Variants in ALG6 observed in about 807,000 individuals in gnomAD.
ALG6 encodes dolichyl pyrophosphate Man9GlcNAc2 alpha-1,3-glucosyltransferase.
Under a neutral mutation model 66.6 loss-of-function variants are expected in ALG6, and 46 were observed. That is an observed-to-expected ratio of 0.69 (90% confidence interval 0.55 to 0.88). ALG6 has a LOEUF of 0.88. Among genes scored for constraint, ALG6 ranks in the 40% least tolerant of loss-of-function variants. The pLI is 0.00. For missense variants in ALG6, 505 were observed against 586.8 expected, an observed-to-expected ratio of 0.86 and a Z score of 1.44; for synonymous variants, 185 against 203.7, an observed-to-expected ratio of 0.91 and a Z score of 0.78.
At chr1:63,398,535 C>G (rs914984366) in intron 3 of ALG6, among the ~76,000 whole-genome samples, 1 of 152,132 alleles carries the variant, frequency 6.6e-6, no homozygotes, top group Non-Finnish European at 1.5e-5. Flanking sequence ...TGCAGTGGCT[C>G]GATCTCGGCT....
intron 2 of ALG6, among the ~76,000 whole-genome samples, chr1:63,390,985 T>TA (rs1648656292): frequency 6.6e-6 from 1 of 152,220 alleles, no homozygotes. Flanking sequence ...TTTTGATTCT[T>TA]ATGAAGGTAC....
chr1:63,403,315 G>A (rs10489496), intron 4 of ALG6, among the ~76,000 whole-genome samples: 7,302 of 152,128 alleles, frequency 0.048, 571 homozygotes, highest in African/African-American at 0.17. Context: ...TATAGATCCA[G>A]ATGGTTACCA....
chr1:63,399,959 G>T (rs1011234123), intron 3 of ALG6, among the ~76,000 whole-genome samples: 4 of 151,486 alleles, frequency 2.6e-5, no homozygotes, highest in African/African-American at 9.7e-5. Context: ...CACTTTGGGA[G>T]ACCAAGGCGG....
rs1167647505 is a variant in ALG6 at position 63,434,542 on chromosome 1, G to A, written c.1327-2281G>A. On this transcript the variant is annotated intron_variant, in intron 14 of 14. Coordinates refer to ENST00000263440, the MANE Select transcript of ALG6 (RefSeq NM_013339.4). ...AGTTTAGCGCAAGCTTGTCCAATCT[G>A]CAACTGAAGCTGGCTTTGAATGCAG... Among the ~76,000 whole-genome samples the A allele has an allele frequency of 3.9e-5, 6 of 152,342 alleles. No homozygotes were observed. The South Asian group carries it at 1.2e-3, about 32-fold the overall frequency.
In ALG6 at chr1:63,437,030, T is replaced by TAAAC; in HGVS notation, c.*14_*17dup. 1 of 1,609,380 alleles carries TAAAC rather than the reference T, an allele frequency of 6.2e-7. No individual in the cohort carries two copies. The highest frequency in any genetic ancestry group is 2.2e-5 in the East Asian group (1 of 44,784). On this transcript the variant is annotated 3_prime_UTR_variant, in exon 15 of 15. Coordinates refer to ENST00000263440, the MANE Select transcript of ALG6 (RefSeq NM_013339.4). Reference sequence around the variant, plus strand: ...GAAGAAAATCAGCTAGCTGTATTCCTAAACAAATTGTTTCCTAAACAAATG... The same window carrying TAAAC: ...GAAGAAAATCAGCTAGCTGTATTCCTAAACAAACAAATTGTTTCCTAAACAAATG...
intron 2 of ALG6, among the ~76,000 whole-genome samples, chr1:63,393,907 T>C (rs1309253192): frequency 2.6e-5 from 4 of 152,148 alleles, no homozygotes; most frequent in Admixed American, 2.0e-4. Flanking sequence ...AGAAAACTTA[T>C]TAAGTTTCTT....
intron 2 of ALG6, among the ~76,000 whole-genome samples, chr1:63,373,060 T>G (rs1189922075): frequency 6.6e-6 from 1 of 152,036 alleles, no homozygotes; most frequent in Non-Finnish European, 1.5e-5. Flanking sequence ...CAGGCTAAAG[T>G]GCAGTGGCAC....
chr1:63,395,754 G>A (rs892374530), intron 2 of ALG6, among the ~76,000 whole-genome samples: 1 of 152,110 alleles, frequency 6.6e-6, no homozygotes, highest in African/African-American at 2.4e-5. Context: ...TACATATTGG[G>A]CAGTATAGTT....
chr1:63,379,819 A>G (rs1009550232), intron 2 of ALG6, among the ~76,000 whole-genome samples: 9 of 150,736 alleles, frequency 6.0e-5, no homozygotes, highest in East Asian at 5.8e-4. Flanking sequence ...TATTTATTCA[A>G]TGTTAACTAG....
At chr1:63,413,703 A>G in intron 9 of ALG6, 1 of 183,738 alleles carries the variant, frequency 5.4e-6, no homozygotes, top group East Asian at 1.4e-4. Flanking sequence ...AAAATGGGTC[A>G]AATGTAATAT....
intron 10 of ALG6, among the ~76,000 whole-genome samples, chr1:63,415,408 G>T (rs1204905956): frequency 6.6e-6 from 1 of 152,074 alleles, no homozygotes; most frequent in Non-Finnish European, 1.5e-5. Flanking sequence ...TGTTCTTTAT[G>T]ATTTACCATG....
At chr1:63,372,498 GTATTT>G (rs1258245874) in intron 2 of ALG6, among the ~76,000 whole-genome samples, 3 of 117,412 alleles carry the variant, frequency 2.6e-5, no homozygotes, top group African/African-American at 9.6e-5. Context: ...ACATATATAG[GTATTT>G]TATGCATACC....
intron 12 of ALG6, among the ~76,000 whole-genome samples, chr1:63,424,324 A>G (rs1362387220): frequency 6.6e-6 from 1 of 152,108 alleles, no homozygotes; most frequent in Non-Finnish European, 1.5e-5. Flanking sequence ...CATTTTTAGT[A>G]GAGATGGGGT....
At chr1:63,387,071 A>C (rs1648524814) in intron 2 of ALG6, among the ~76,000 whole-genome samples, 1 of 152,172 alleles carries the variant, frequency 6.6e-6, no homozygotes, top group Non-Finnish European at 1.5e-5. Flanking sequence ...CATATTGATT[A>C]ATTTCCATGT....
chr1:63,428,059 C>A (rs2100439722), intron 12 of ALG6, among the ~76,000 whole-genome samples: 1 of 152,188 alleles, frequency 6.6e-6, no homozygotes, highest in South Asian at 2.1e-4. Flanking sequence ...ATCTACCAGC[C>A]TTGGCCTACC....
intron 1 of ALG6, among the ~76,000 whole-genome samples, chr1:63,369,248 GA>G (rs1647829241): frequency 6.6e-6 from 1 of 152,210 alleles, no homozygotes; most frequent in African/African-American, 2.4e-5. Context: ...TTTCTGAGGG[GA>G]TGATTTGAGA....
intron 14 of ALG6, among the ~76,000 whole-genome samples, chr1:63,432,277 C>CTTT (rs1644650017): frequency 7.1e-6 from 1 of 141,072 alleles, no homozygotes; most frequent in African/African-American, 2.8e-5. Flanking sequence ...TTCTTTTATT[C>CTTT]TATTATATGA....
intron 2 of ALG6, among the ~76,000 whole-genome samples, chr1:63,389,873 A>C (rs1570046161): frequency 6.6e-6 from 1 of 152,088 alleles, no homozygotes; most frequent in African/African-American, 2.4e-5. Context: ...AATCTGAGAG[A>C]ATTCTTTGGA....
In ALG6 at chr1:63,429,104, T is replaced by C; in HGVS notation, c.1304T>C (p.Leu435Pro). The change falls in exon 14 of 15, where the codon CTT (leucine) becomes CCT (proline). Residue 435 changes from leucine to proline, a missense_variant. By Grantham distance (98) the Leu-to-Pro change is moderately conservative. Coordinates refer to ENST00000263440, the MANE Select transcript of ALG6 (RefSeq NM_013339.4). ...AAATATCTTCCATGTTTTACATTTC[T>C]TTCCAGAATTATACAATATTTGGTA... ...VRKYLPCFTF[L>P]SRIIQYLFLI... The C allele has an allele frequency of 6.2e-7, 1 of 1,600,684 alleles. No homozygotes were observed. Among genetic ancestry groups the C allele is most frequent in the East Asian group, 2.2e-5 (1 of 44,608 alleles).
Sources: allele counts gnomAD v4.1 joint callset (sites outside exome capture counted in the v4.1 genomes callset), GRCh38; gene constraint gnomAD v4.1.1; transcripts MANE v1.5; gene names NCBI Gene and HGNC (gene_info 2026-07-23, HGNC 2026-07-21).